The following MYO7B variants were observed in gnomAD, a reference collection of about 807,000 sequenced individuals.
The protein encoded by MYO7B is unconventional myosin-VIIb.
In MYO7B, 212 loss-of-function variants were observed where a neutral mutation model predicts 259.7. The ratio of observed to expected loss-of-function variants is 0.82; its 90% confidence interval spans 0.73 to 0.91. The LOEUF is 0.91. Among genes scored for constraint, MYO7B ranks in the 40% least tolerant of loss-of-function variants. The pLI, the probability that MYO7B is intolerant of heterozygous loss-of-function variation, is 0.00. For synonymous variants in MYO7B, 1,197 were observed against 1,166.4 expected, an observed-to-expected ratio of 1.03 and a Z score of -0.54; for missense variants, 2,732 against 2,813.5, an observed-to-expected ratio of 0.97 and a Z score of 0.66.
Position 127,607,743 on chromosome 2 carries a change from A to G in MYO7B, c.2643+319A>G, listed in dbSNP as rs145232574. ...TGGGGAGCCGTGGCCACCACCCAGG[A>G]GCACGCAGGGTATAGCATGGGAGAG... On this transcript the variant is annotated intron_variant, in intron 21 of 47. Coordinates refer to ENST00000409816, the MANE Select transcript of MYO7B (RefSeq NM_001393586.1). The surrounding 1 kb of genome is among the most constrained non-coding windows in gnomAD (Gnocchi z 4.4). Among the ~76,000 whole-genome samples, 1 of 152,312 alleles carries G rather than the reference A, an allele frequency of 6.6e-6. No individual in the cohort carries two copies. The highest frequency in any genetic ancestry group is 2.4e-5 in the African/African-American group (1 of 41,564).
intron 26 of MYO7B, among the ~76,000 whole-genome samples, chr2:127,612,815 GAA>G (rs1471997397): frequency 5.9e-5 from 9 of 152,210 alleles, no homozygotes; most frequent in Non-Finnish European, 1.2e-4. Context: ...CCGGTTTTAG[GAA>G]AAGAGTCATC....
chr2:127,616,409 G>A (rs111903711), intron 26 of MYO7B, among the ~76,000 whole-genome samples: 14,372 of 152,028 alleles, frequency 0.095, 929 homozygotes, highest in Middle Eastern at 0.17. Flanking sequence ...CGTAGAGAAG[G>A]GTACAATTTA....
At chr2:127,600,292 A>G (rs1181235628) in intron 19 of MYO7B, among the ~76,000 whole-genome samples, 2 of 152,204 alleles carry the variant, frequency 1.3e-5, no homozygotes, top group African/African-American at 4.8e-5. Context: ...ATTTGTTCAT[A>G]ATATTCCCTT....
intron 29 of MYO7B, among the ~76,000 whole-genome samples, chr2:127,623,642 C>G (rs942686597): frequency 3.3e-5 from 5 of 152,184 alleles, no homozygotes; most frequent in Admixed American, 3.3e-4. Context: ...CCCCACCCAG[C>G]AGCCACGCAC....
intron 1 of MYO7B, among the ~76,000 whole-genome samples, chr2:127,547,551 C>A (rs1693284233): frequency 6.6e-6 from 1 of 152,152 alleles, no homozygotes; most frequent in African/African-American, 2.4e-5. Flanking sequence ...GGTAGGCAGG[C>A]TATGATGCTG....
chr2:127,579,573 CATTT>C (rs1268689949), intron 9 of MYO7B, among the ~76,000 whole-genome samples: 1 of 112,954 alleles, frequency 8.9e-6, no homozygotes, highest in Non-Finnish European at 1.7e-5. Context: ...ACTAACATAA[CATTT>C]GTTTGTTTGT....
Position 127,584,652 on chromosome 2 carries a change from T to C in MYO7B, c.1555-126T>C. The C allele has an allele frequency of 8.5e-7, 1 of 1,173,202 alleles. No homozygotes were observed. 72.7% of individuals were successfully genotyped at this position (1,173,202 alleles called of 1,614,324 possible). On this transcript the variant is annotated intron_variant, in intron 13 of 47. Transcript: ENST00000409816. The surrounding 1 kb of genome is among the most constrained non-coding windows in gnomAD (Gnocchi z 5.8). Reference sequence around the variant, plus strand: ...CTGACCCCTGGGCATTAGTTTCCTGTCTGTACAAAGGCCCTCAATCATTCT... The same window carrying C: ...CTGACCCCTGGGCATTAGTTTCCTGCCTGTACAAAGGCCCTCAATCATTCT...
chr2:127,624,410 TAGA>T, intron 30 of MYO7B, 90 bp downstream of exon 30: 1 of 1,089,470 alleles, frequency 9.2e-7, no homozygotes, highest in Non-Finnish European at 1.3e-6. Context: ...TGAGGCCAGG[TAGA>T]AGGTGGGGGG....
intron 28 of MYO7B, among the ~76,000 whole-genome samples, chr2:127,622,877 A>C (rs1397972129): frequency 1.3e-5 from 2 of 152,216 alleles, no homozygotes; most frequent in Non-Finnish European, 2.9e-5. Flanking sequence ...GAAGTCACTG[A>C]ACCACACCAA....
rs1677996014 is a variant in MYO7B, at chr2:127,559,835, A to G, written c.18+95A>G. ...AAGGAAAGAGAGGAAAGGCAATGAG[A>G]CCCTATAGGAAAATACCAGAGACAG... On this transcript the variant is annotated intron_variant, in intron 2 of 47. Coordinates refer to ENST00000409816, the MANE Select transcript of MYO7B (RefSeq NM_001393586.1). This position sits in a 1 kb window ranked among gnomAD's most constrained non-coding sequence, Gnocchi z 4.1. 1 of 1,382,022 alleles carries G rather than the reference A, an allele frequency of 7.2e-7. No homozygotes were observed. The highest frequency in any genetic ancestry group is 2.3e-5 in the East Asian group (1 of 43,590). 85.6% of individuals were successfully genotyped at this position (1,382,022 alleles called of 1,614,324 possible).
intron 1 of MYO7B, among the ~76,000 whole-genome samples, chr2:127,557,454 T>G (rs1391902967): frequency 1.3e-5 from 2 of 152,130 alleles, no homozygotes; most frequent in Non-Finnish European, 2.9e-5. Context: ...TAGTGTGATT[T>G]TTTGGGGGTT....
Position 127,599,952 on chromosome 2 carries a change from G to A in MYO7B, c.2339+3396G>A, listed in dbSNP as rs138850501. On this transcript the variant is annotated intron_variant, in intron 19 of 47. Coordinates refer to ENST00000409816, the MANE Select transcript of MYO7B (RefSeq NM_001393586.1). ...GGATTTTTGCGTCTATATTCATGAC[G>A]TCTGAGGATTTTTTTTCTTTTGTCT... 5.3e-5 allele frequency among the ~76,000 whole-genome samples: 8 copies of A among 152,222 alleles called. No homozygotes were observed. In the East Asian group the frequency reaches 1.5e-3, roughly 29 times the overall value.
chr2:127,539,779 A>G lies in MYO7B; in HGVS notation c.-24+3948A>G, dbSNP rs1692930943. Among the ~76,000 whole-genome samples, 1 of 152,140 alleles carries G rather than the reference A, an allele frequency of 6.6e-6. No individual in the cohort carries two copies. Among genetic ancestry groups the G allele is most frequent in the Non-Finnish European group, 1.5e-5 (1 of 68,018 alleles). On this transcript the variant is annotated intron_variant, in intron 1 of 47. Transcript: ENST00000409816. The surrounding 1 kb of genome is among the most constrained non-coding windows in gnomAD (Gnocchi z 4.0). ...TTTGTGAGATTTTTTTGCACCTATC[A>G]CCACAGCAGTGTACACTGCACCCAA...
At chr2:127,632,533 G>A in intron 39 of MYO7B, 132 bp downstream of exon 39, 1 of 1,206,234 alleles carries the variant, frequency 8.3e-7, no homozygotes, top group Non-Finnish European at 1.1e-6. Context: ...AGCTTGGCAG[G>A]CAGGATTGGG....
Position 127,625,395 on chromosome 2 carries a change from C to T in MYO7B, c.4075C>T (p.Arg1359Trp), listed in dbSNP as rs377498038. Residue 1359 changes from arginine (R) to tryptophan (W), a missense_variant, in exon 31 of 48, where the codon CGG (arginine) becomes TGG (tryptophan). This residue lies in a region of MYO7B where 1,906 missense variants were observed against 2,026.4 expected (regional missense o/e 0.94). Coordinates refer to ENST00000409816, the MANE Select transcript of MYO7B (RefSeq NM_001393586.1). Reference sequence around the variant, plus strand: ...GGAAGAGCTGGTTGAGCTGCTGGCCCGGCACTGCTACGTGCAGCTCGGCGC... The same window carrying T: ...GGAAGAGCTGGTTGAGCTGCTGGCCTGGCACTGCTACGTGCAGCTCGGCGC... ...KEEELVELLARHCYVQLGASA... is the reference protein window; with the variant it reads ...KEEELVELLAWHCYVQLGASA... 8.0e-5 allele frequency: 128 copies of T among 1,599,610 alleles called. No individual in the cohort carries two copies. Among genetic ancestry groups the T allele is most frequent in the Middle Eastern group, 1.7e-4 (1 of 6,010 alleles).
In MYO7B at chr2:127,609,625, G is replaced by GACTT. The variant is rs777297765; in HGVS notation, c.2939_2942dup (p.Phe981LeufsTer25). 21 of 1,613,994 alleles carry GACTT rather than the reference G, an allele frequency of 1.3e-5. No homozygotes were observed. In the South Asian group the frequency reaches 2.3e-4, roughly 18 times the overall value. On this transcript the variant is annotated frameshift_variant, in exon 23 of 48. Coordinates refer to ENST00000409816, the MANE Select transcript of MYO7B (RefSeq NM_001393586.1). LOFTEE classifies it high-confidence loss of function. This position sits in a 1 kb window ranked among gnomAD's most constrained non-coding sequence, Gnocchi z 6.9. ...AGTACACCTTCCCCAAGTTTGCTGT[G>GACTT]ACTTACTTCCAGAAATCAGCCAGCC...
At chr2:127,583,877 T>C (rs777037730) in intron 12 of MYO7B, among the ~76,000 whole-genome samples, 22 of 152,218 alleles carry the variant, frequency 1.4e-4, no homozygotes, top group Non-Finnish European at 3.2e-4. Context: ...CTTGATGATA[T>C]GCTGAGCCTC....
chr2:127,571,568 C>T (rs1678629847), intron 6 of MYO7B, among the ~76,000 whole-genome samples: 1 of 151,238 alleles, frequency 6.6e-6, no homozygotes, highest in Non-Finnish European at 1.5e-5. Context: ...GCAACCTCTG[C>T]CTGTTAGGTT....
In MYO7B at chr2:127,630,894, C is replaced by G; in HGVS notation, c.4923C>G (p.Ser1641=). The change falls in exon 36 of 48, where the codon TCC becomes TCG. Residue 1641 remains serine (S), a synonymous_variant. Transcript: ENST00000409816. ...KEKLHTLEEF[S]YEFFRAPEKD... Reference sequence around the variant, plus strand: ...AGCTGCACACCCTGGAGGAGTTCTCCTATGAGTTCTTCAGGTGCCCCCCAG... The same window carrying G: ...AGCTGCACACCCTGGAGGAGTTCTCGTATGAGTTCTTCAGGTGCCCCCCAG... The G allele has an allele frequency of 6.3e-7, 1 of 1,586,402 alleles. No homozygotes were observed. Among genetic ancestry groups the G allele is most frequent in the East Asian group, 2.3e-5 (1 of 43,312 alleles).
Sources: gnomAD v4.1 joint callset for allele counts (sites outside exome capture counted in the v4.1 genomes callset) on GRCh38, gnomAD v4.1.1 for gene constraint, gnomAD v4.1.1 regional missense constraint, Gnocchi (gnomAD v3.1) non-coding constraint, MANE v1.5 for transcripts, NCBI Gene and HGNC (gene_info 2026-07-23, HGNC 2026-07-21) for gene names.